Variants in KAZN observed in about 807,000 individuals in gnomAD.
The protein encoded by KAZN is kazrin, periplakin interacting protein, also known as kazrin.
A neutral mutation model predicts 87.4 loss-of-function variants in KAZN; 40 were observed. The ratio of observed to expected loss-of-function variants is 0.46; its 90% CI spans 0.36 to 0.60. KAZN has a LOEUF of 0.60. Ranked by LOEUF, KAZN falls within the 20% of genes least tolerant of loss-of-function variation. The pLI, the probability that KAZN is intolerant of heterozygous loss-of-function variation, is 0.00. For synonymous variants in KAZN, 466 were observed against 458.3 expected (o/e 1.02, Z -0.22); for missense variants, 898 against 1,073.9 (o/e 0.84, Z 2.29).
At chr1:15,044,206 C>A in intron 4 of KAZN, 47 bp downstream of exon 4, 1 of 1,310,404 alleles carries the variant, frequency 7.6e-7, no homozygotes, top group Non-Finnish European at 1.0e-6. Flanking sequence ...GCTAGCAGTG[C>A]CGTGCTGGGA....
At chr1:15,110,002 TGTTGTGTATGTA>T (rs1359597980) in intron 13 of KAZN, among the ~76,000 whole-genome samples, 1 of 74,644 alleles carries the variant, frequency 1.3e-5, no homozygotes, top group Non-Finnish European at 3.2e-5. Context: ...GGTATATGTG[TGTTGTGTATGTA>T]TGTGTAGATG....
At position 14,387,074 on chromosome 1, in the gene KAZN, C is replaced by T. The variant is rs534404918; in HGVS notation, c.249+206482C>T. Among the ~76,000 whole-genome samples, 411 of 152,268 alleles carry T rather than the reference C, an allele frequency of 2.7e-3. 2 individuals are homozygous for T. The highest frequency in any genetic ancestry group is 9.0e-3 in the African/African-American group (374 of 41,556). On this transcript the variant is annotated intron_variant, in intron 2 of 16. Transcript: ENST00000636203. The stretch of plus-strand genomic sequence containing the variant: ...TCATTTCATTCATTTCATCTTCCAT[C>T]GCTGATACCCTTTCTTCCAGTTGAT...
intron 1 of KAZN, among the ~76,000 whole-genome samples, chr1:14,958,453 ACTT>A (rs1311028236): frequency 6.6e-6 from 1 of 152,198 alleles, no homozygotes; most frequent in Non-Finnish European, 1.5e-5. Flanking sequence ...TACATGGAGC[ACTT>A]CTTATATACA....
chr1:14,035,432 T>A (rs1029440339), intron 1 of KAZN, among the ~76,000 whole-genome samples: 1 of 151,848 alleles, frequency 6.6e-6, no homozygotes, highest in Non-Finnish European at 1.5e-5. Context: ...TTTGCCCAGG[T>A]GTGAGAAGTT....
chr1:14,337,335 A>G (rs1212830783), intron 2 of KAZN, among the ~76,000 whole-genome samples: 3 of 152,254 alleles, frequency 2.0e-5, no homozygotes, highest in Non-Finnish European at 4.4e-5. Context: ...AAGCATCCAT[A>G]CTGGAAAAGG....
chr1:14,874,887 G>T (rs2101073921), intron 1 of KAZN, among the ~76,000 whole-genome samples: 1 of 152,216 alleles, frequency 6.6e-6, no homozygotes, highest in African/African-American at 2.4e-5. Flanking sequence ...AGACTTACTT[G>T]GTTTTGTATT....
chr1:14,587,783 G>A (rs971536073), intron 2 of KAZN, among the ~76,000 whole-genome samples: 2 of 152,136 alleles, frequency 1.3e-5, no homozygotes, highest in Admixed American at 6.6e-5. Flanking sequence ...CAACACTGAG[G>A]ATTTCATTTC....
At chr1:14,332,144 G>T (rs1656902495) in intron 2 of KAZN, among the ~76,000 whole-genome samples, 1 of 152,136 alleles carries the variant, frequency 6.6e-6, no homozygotes, top group Non-Finnish European at 1.5e-5. Context: ...CACAGAAATA[G>T]GGCCAGGCAG....
intron 2 of KAZN, among the ~76,000 whole-genome samples, chr1:14,232,520 C>G (rs1465650463): frequency 6.6e-6 from 1 of 152,146 alleles, no homozygotes. Context: ...TAGGGGCCGA[C>G]AAGGTCCCCT....
chr1:14,327,654 T>A (rs1312449064), intron 2 of KAZN, among the ~76,000 whole-genome samples: 3 of 152,264 alleles, frequency 2.0e-5, no homozygotes, highest in African/African-American at 7.2e-5. Flanking sequence ...TTTGGTGAAT[T>A]AAAAACCTGG....
chr1:14,095,091 G>C (rs977661881), intron 1 of KAZN, among the ~76,000 whole-genome samples: 3 of 152,186 alleles, frequency 2.0e-5, no homozygotes, highest in Non-Finnish European at 4.4e-5. Flanking sequence ...CACTGTGCAG[G>C]ATGAATGTTT....
chr1:15,114,244 G>A (rs1333423430), intron 14 of KAZN: 1 of 488,300 alleles, frequency 2.0e-6, no homozygotes, highest in African/African-American at 1.9e-5. Context: ...GTAACCAACT[G>A]AATCCTTCCG....
chr1:14,286,236 C>T (rs1020542201), intron 2 of KAZN, among the ~76,000 whole-genome samples: 5 of 151,920 alleles, frequency 3.3e-5, no homozygotes, highest in Admixed American at 1.3e-4. Flanking sequence ...ACATTCTCCC[C>T]GTGTCTACAC....
intron 2 of KAZN, among the ~76,000 whole-genome samples, chr1:14,593,104 A>G (rs949869130): frequency 6.6e-6 from 1 of 152,244 alleles, no homozygotes; most frequent in African/African-American, 2.4e-5. Context: ...TTCATCTGCC[A>G]TGTGCAGATA....
At chr1:14,576,247 A>C (rs1675170224) in intron 2 of KAZN, among the ~76,000 whole-genome samples, 1 of 152,242 alleles carries the variant, frequency 6.6e-6, no homozygotes, top group Admixed American at 6.5e-5. Flanking sequence ...GCAAGAAGTT[A>C]GTGTCTGACA....
chr1:14,340,885 TCC>T (rs1276984812), intron 2 of KAZN, among the ~76,000 whole-genome samples: 13 of 111,076 alleles, frequency 1.2e-4, no homozygotes, highest in African/African-American at 3.8e-4. Context: ...GTCATGATTT[TCC>T]CTTTTTTTTT....
chr1:14,067,412 T>C (rs1643052201), intron 1 of KAZN, among the ~76,000 whole-genome samples: 1 of 152,228 alleles, frequency 6.6e-6, no homozygotes, highest in African/African-American at 2.4e-5. Flanking sequence ...TATTTCATGA[T>C]GTTGCCTACA....
chr1:14,692,011 A>G (rs951527898), intron 1 of KAZN: 1 of 206,744 alleles, frequency 4.8e-6, no homozygotes. Context: ...GATAAAAACA[A>G]TCACATTCTT....
intron 2 of KAZN, among the ~76,000 whole-genome samples, chr1:14,468,832 G>T (rs559424172): frequency 2.6e-5 from 4 of 152,164 alleles, no homozygotes; most frequent in African/African-American, 9.7e-5. Context: ...ATCGTCAACC[G>T]TTTGCAAGAT....
Sources: gnomAD v4.1 joint callset for allele counts (sites outside exome capture counted in the v4.1 genomes callset) on GRCh38, gnomAD v4.1.1 for gene constraint, MANE v1.5 for transcripts, NCBI Gene and HGNC (gene_info 2026-07-23, HGNC 2026-07-21) for gene names.